KCTD5: variants seen among roughly 807,000 people sequenced by gnomAD.
KCTD5 encodes potassium channel tetramerization domain containing 5.
KCTD5 carries 12 observed loss-of-function variants against 27.9 expected under a neutral mutation model. The ratio of observed to expected loss-of-function variants is 0.43; its 90% CI spans 0.28 to 0.70. KCTD5 has a LOEUF of 0.70. Ranked by LOEUF, KCTD5 falls within the 30% of genes least tolerant of loss-of-function variation. The pLI is 0.19. For synonymous variants in KCTD5, 147 were observed against 121.4 expected (o/e 1.21, Z -1.39); for missense variants, 226 against 274.8 (o/e 0.82, Z 1.26).
chr16:2,702,599 T>C, intron 5 of KCTD5, 121 bp downstream of exon 5: 1 of 1,344,238 alleles, frequency 7.4e-7, no homozygotes, highest in Non-Finnish European at 1.0e-6. Flanking sequence ...CTGGTGGCCT[T>C]GCTGACTTCT....
At chr16:2,697,448 C>A (rs2067591287) in intron 2 of KCTD5, among the ~76,000 whole-genome samples, 1 of 152,240 alleles carries the variant, frequency 6.6e-6, no homozygotes, top group African/African-American at 2.4e-5. Context: ...CACAAGGCCG[C>A]AGGCCTGAGC....
chr16:2,707,390 T>C lies in KCTD5; in HGVS notation c.*63T>C, dbSNP rs899483236. On this transcript the variant is annotated 3_prime_UTR_variant, in exon 6 of 6. Transcript: ENST00000301738. ...TTTCCCGAGATGTAATGAACTGCCA[T>C]GTCCAGGAAGCTTGGCTGTGAGAAG... 5 of 1,511,650 alleles carry C rather than the reference T, an allele frequency of 3.3e-6. No homozygotes were observed. The highest frequency in any genetic ancestry group is 2.3e-5 in the East Asian group (1 of 44,436). 93.6% of individuals were successfully genotyped at this position (1,511,650 alleles called of 1,614,324 possible).
chr16:2,698,842 C>T (rs964180024), intron 3 of KCTD5, among the ~76,000 whole-genome samples: 2 of 152,190 alleles, frequency 1.3e-5, no homozygotes, highest in Non-Finnish European at 2.9e-5. Flanking sequence ...GGAGCTGCGT[C>T]CCGCGCCCCG....
At chr16:2,703,965 G>C (rs1018851884) in intron 5 of KCTD5, among the ~76,000 whole-genome samples, 6 of 152,198 alleles carry the variant, frequency 3.9e-5, no homozygotes, top group African/African-American at 1.4e-4. Context: ...TTTTCTAAAT[G>C]GTTTTATTTT....
At chr16:2,693,092 T>A (rs1462055369) in intron 1 of KCTD5, among the ~76,000 whole-genome samples, 1 of 152,216 alleles carries the variant, frequency 6.6e-6, no homozygotes, top group African/African-American at 2.4e-5. Context: ...GTGGGTGTGA[T>A]GGCTGTGCCA....
chr16:2,688,243 A>ATATATATATATATATT (rs1282831421), intron 1 of KCTD5, among the ~76,000 whole-genome samples: 108 of 64,126 alleles, frequency 1.7e-3, no homozygotes, highest in African/African-American at 5.0e-3. Flanking sequence ...ATATATATAT[A>ATATATATATATATATT]TATTTATTTA....
intron 1 of KCTD5, among the ~76,000 whole-genome samples, chr16:2,692,656 G>A (rs959142549): frequency 2.0e-5 from 3 of 152,218 alleles, no homozygotes; most frequent in African/African-American, 4.8e-5. Context: ...TTTGGTCCCC[G>A]GGACTGGCAG....
intron 1 of KCTD5, among the ~76,000 whole-genome samples, chr16:2,686,665 G>A (rs1179153761): frequency 9.2e-6 from 1 of 108,264 alleles, no homozygotes; most frequent in Non-Finnish European, 1.9e-5. Flanking sequence ...GAACAGGGCC[G>A]TTGTCCCGGC....
chr16:2,702,790 C>T lies in KCTD5; in HGVS notation c.675+312C>T, dbSNP rs115694389. ...AGGGGACCCAGGGTCCTCTGTTCCC[C>T]GGGCCCAGCCTCTGCTGTGTGAGTG... On this transcript the variant is annotated intron_variant, in intron 5 of 5. Coordinates refer to ENST00000301738, the MANE Select transcript of KCTD5 (RefSeq NM_018992.4). Among the ~76,000 whole-genome samples, 499 of 137,346 alleles carry T rather than the reference C, an allele frequency of 3.6e-3. 4 individuals carry two copies. The highest frequency in any genetic ancestry group is 0.013 in the African/African-American group (461 of 35,684). 90.1% of individuals were successfully genotyped at this position (137,346 alleles called of 152,430 possible). A position where few individuals can be genotyped will look rare whatever the true frequency, so the allele number is the denominator to read the frequency against.
intron 1 of KCTD5, among the ~76,000 whole-genome samples, chr16:2,689,999 C>G (rs908215830): frequency 9.8e-5 from 15 of 152,378 alleles, no homozygotes; most frequent in South Asian, 2.1e-4. Context: ...TTCAAGGCTG[C>G]TGGTTGCATT....
At chr16:2,692,399 C>T (rs923752550) in intron 1 of KCTD5, among the ~76,000 whole-genome samples, 12 of 152,184 alleles carry the variant, frequency 7.9e-5, no homozygotes, top group Non-Finnish European at 1.8e-4. Context: ...CAGGTCGGCT[C>T]ATTCAGTTGG....
chr16:2,696,533 G>A (rs1161390545), intron 2 of KCTD5, among the ~76,000 whole-genome samples: 1 of 152,262 alleles, frequency 6.6e-6, no homozygotes, highest in Non-Finnish European at 1.5e-5. Context: ...TGATCGTGGT[G>A]CAGGGACGGC....
chr16:2,682,944 C>G, intron 1 of KCTD5, 144 bp downstream of exon 1: 1 of 1,055,000 alleles, frequency 9.5e-7, no homozygotes, highest in Non-Finnish European at 1.3e-6. Flanking sequence ...TTGTCGCCAG[C>G]TCCTCCCCAG....
At chr16:2,684,593 G>C (rs879716377) in intron 1 of KCTD5, 2 of 148,710 alleles carry the variant, frequency 1.3e-5, no homozygotes, top group African/African-American at 5.0e-5. Context: ...ATGAAACTCT[G>C]TCTCTACTAA....
chr16:2,702,473 G>T lies in KCTD5; in HGVS notation c.670G>T (p.Ala224Ser). ...TACGGCCAGCGAGCCCAGCGAGAAG[G>T]CCAAGGTGAGTGCTGGGCCGGCCCT... ...YGTASEPSEK[A>S]KILQERGSRM is the part of the protein sequence containing the mutation. The change falls in exon 5 of 6, where the codon GCC becomes TCC. Residue 224 changes from alanine to serine, a missense_variant. This residue lies in a region of KCTD5 where 135 missense variants were observed against 207.0 expected (regional missense o/e 0.65). Coordinates refer to ENST00000301738, the MANE Select transcript of KCTD5 (RefSeq NM_018992.4). 6.2e-7 allele frequency: 1 copy of T among 1,613,090 alleles called. No individual in the cohort carries two copies. The highest frequency in any genetic ancestry group is 8.5e-7 in the Non-Finnish European group (1 of 1,179,898).
intron 2 of KCTD5, 109 bp from the exon 3 acceptor site, chr16:2,697,797 C>T: frequency 1.3e-6 from 1 of 770,792 alleles, no homozygotes; most frequent in Non-Finnish European, 2.2e-6. Context: ...CTGGGCCGAG[C>T]CATGGGCCCT....
chr16:2,699,491 T>G (rs2067601903), intron 3 of KCTD5, among the ~76,000 whole-genome samples: 1 of 152,266 alleles, frequency 6.6e-6, no homozygotes, highest in South Asian at 2.1e-4. Context: ...AATTCAGGGC[T>G]GCACGGTTGC....
chr16:2,697,554 C>T (rs1417599923), intron 2 of KCTD5, among the ~76,000 whole-genome samples: 271 of 152,358 alleles, frequency 1.8e-3, no homozygotes, highest in Non-Finnish European at 2.9e-3. Context: ...AGATCCAACC[C>T]CCAGCATACC....
intron 2 of KCTD5, chr16:2,697,296 C>T (rs1356242010): frequency 2.0e-5 from 3 of 152,906 alleles, no homozygotes; most frequent in Non-Finnish European, 4.4e-5. Flanking sequence ...GCTCTTAAGG[C>T]TCTTAAGGGA....
Sources: allele counts gnomAD v4.1 joint callset (sites outside exome capture counted in the v4.1 genomes callset), GRCh38; gene constraint gnomAD v4.1.1; regional missense constraint gnomAD v4.1.1; transcripts MANE v1.5; gene names NCBI Gene and HGNC (gene_info 2026-07-23, HGNC 2026-07-21).